Variants in COL5A1 observed in about 807,000 individuals in gnomAD.
COL5A1 encodes collagen type V alpha 1 chain.
Under a neutral mutation model 263.7 loss-of-function variants are expected in COL5A1, and 16 were observed. That is an observed-to-expected ratio of 0.06 (90% confidence interval 0.04 to 0.09). The LOEUF (loss-of-function observed/expected upper bound fraction) is 0.09, where lower values mean the gene tolerates loss of function less well. Among genes scored for constraint, COL5A1 ranks in the 10% least tolerant of loss-of-function variants. The pLI is 1.00. For missense variants in COL5A1, 2,036 were observed against 2,540.5 expected, an observed-to-expected ratio of 0.80 and a Z score of 4.27; for synonymous variants, 1,012 against 1,004.5, an observed-to-expected ratio of 1.01 and a Z score of -0.14.
Position 134,828,272 on chromosome 9 carries a change from C to T in COL5A1, c.5068-1704C>T, listed in dbSNP as rs571018724. 7.9e-5 allele frequency among the ~76,000 whole-genome samples: 12 copies of T among 152,328 alleles called. No individual in the cohort carries two copies. In the South Asian group the frequency reaches 2.3e-3, roughly 29 times the overall value. On this transcript the variant is annotated intron_variant, in intron 63 of 65. Coordinates refer to ENST00000371817, the MANE Select transcript of COL5A1 (RefSeq NM_000093.5). ...GCCCTGCTGGGCCCAGCCTGTGTGTCTGCAGCCTCGGCCTCTGTGGAAAGC... is the reference window on the plus strand; with the variant it reads ...GCCCTGCTGGGCCCAGCCTGTGTGTTTGCAGCCTCGGCCTCTGTGGAAAGC...
intron 5 of COL5A1, 29 bp downstream of exon 5, chr9:134,727,426 G>T: frequency 6.2e-7 from 1 of 1,613,734 alleles, no homozygotes; most frequent in Non-Finnish European, 8.5e-7. Context: ...GGATCTTGGG[G>T]AGCATGAGCA....
Position 134,763,493 on chromosome 9 carries a change from G to C in COL5A1, c.1990-200G>C, listed in dbSNP as rs574567782. 8.5e-5 allele frequency among the ~76,000 whole-genome samples: 13 copies of C among 152,354 alleles called. 1 individual carries two copies. In the South Asian group the frequency reaches 2.5e-3, roughly 29 times the overall value. On this transcript the variant is annotated intron_variant, in intron 19 of 65. Coordinates refer to ENST00000371817, the MANE Select transcript of COL5A1 (RefSeq NM_000093.5). ...TGAGCCGGCATCTCAGAGCCTGCAG[G>C]CTTCACCTGCAGTGTCTGCACACCT...
Position 134,642,252 on chromosome 9 carries a change from CGCTGCT to C in COL5A1, c.79_84del (p.Leu27_Leu28del). The C allele has an allele frequency of 2.0e-5, 25 of 1,269,990 alleles. No homozygotes were observed. The highest frequency in any genetic ancestry group is 1.7e-4 in the South Asian group (7 of 40,292). The allele number at this position is 1,269,990 out of a possible 1,614,324, so 78.7% of individuals were successfully genotyped here. On this transcript the variant is annotated inframe_deletion, in exon 1 of 66. Transcript: ENST00000371817. The surrounding 1 kb of genome is among the most constrained non-coding windows in gnomAD (Gnocchi z 4.5). ...CGCCCGGGCGCCCCGCTGCTGCCCC[CGCTGCT>C]GCTGCTGCTGCTGTGGGCGCCGCCT... is the stretch of plus-strand genomic sequence containing the variant.
intron 19 of COL5A1, 57 bp downstream of exon 19, chr9:134,762,035 G>T: frequency 6.3e-7 from 1 of 1,584,926 alleles, no homozygotes; most frequent in South Asian, 1.1e-5. Flanking sequence ...TCAGTGATTT[G>T]GGCAGGAAAA....
chr9:134,835,914 T>C (rs894553647), intron 65 of COL5A1, among the ~76,000 whole-genome samples: 11 of 152,156 alleles, frequency 7.2e-5, no homozygotes, highest in African/African-American at 2.7e-4. Flanking sequence ...TGGAGGTGTT[T>C]AGGGTGCAGC....
rs917866108 is a variant in COL5A1, at chr9:134,758,759, G to A, written c.1935+463G>A. ...ACCAGGTCACGAAAACATGCCAGGT[G>A]TCCCCCTGTTCCCTGTTAATGGGCG... On this transcript the variant is annotated intron_variant, in intron 18 of 65. Transcript: ENST00000371817. The surrounding 1 kb of genome is among the most constrained non-coding windows in gnomAD (Gnocchi z 4.1). 6.6e-6 allele frequency among the ~76,000 whole-genome samples: 1 copy of A among 152,172 alleles called. No homozygotes were observed. Among genetic ancestry groups the A allele is most frequent in the African/African-American group, 2.4e-5 (1 of 41,424 alleles).
intron 6 of COL5A1, among the ~76,000 whole-genome samples, chr9:134,729,565 TGTGTGAGC>T (rs1175626714): frequency 1.6e-3 from 133 of 84,074 alleles, no homozygotes; most frequent in Non-Finnish European, 2.1e-3. Flanking sequence ...TGAGCCTGTG[TGTGTGAGC>T]GTGTGTGAGC....
Position 134,814,848 on chromosome 9 carries a change from G to A in COL5A1, c.3958G>A (p.Ala1320Thr). Reference protein sequence around the residue: ...EKGESGPSGAAGPPGPKGPPG... With the variant: ...EKGESGPSGATGPPGPKGPPG... ...GGGCGAGTCAGGCCCTTCAGGTGCT[G>A]CCGGACCCCCTGGACCCAAAGGCCC... Residue 1320 changes from alanine to threonine, a missense_variant, in exon 50 of 66, where the codon GCC becomes ACC. By Grantham distance (58) the Ala-to-Thr change is moderately conservative. This residue lies in a region of COL5A1 where 1,078 missense variants were observed against 1,521.4 expected (regional missense o/e 0.71). Transcript: ENST00000371817. 1.3e-6 allele frequency: 2 copies of A among 1,551,744 alleles called. No individual in the cohort carries two copies. The highest frequency in any genetic ancestry group is 1.7e-6 in the Non-Finnish European group (2 of 1,147,212).
intron 1 of COL5A1, among the ~76,000 whole-genome samples, chr9:134,683,882 T>C (rs118029018): frequency 0.068 from 10,298 of 152,308 alleles, 441 homozygotes; most frequent in Non-Finnish European, 0.091. Flanking sequence ...GATGAGGCTC[T>C]GAGGTCAGCA....
intron 4 of COL5A1, among the ~76,000 whole-genome samples, chr9:134,725,393 C>G (rs1834611644): frequency 6.6e-6 from 1 of 152,214 alleles, no homozygotes; most frequent in Non-Finnish European, 1.5e-5. Context: ...TAAACATGAT[C>G]TAATTCGTCA....
rs188478789 is a variant in COL5A1 at position 134,823,084 on chromosome 9, C to T, written c.4644+51C>T. ...CCAATGCCTGGAAGGTAGGGGAGGG[C>T]GACGGGTCCCCTGGCACGGGAACAA... On this transcript the variant is annotated intron_variant, in intron 60 of 65. Transcript: ENST00000371817. 1.8e-4 allele frequency: 285 copies of T among 1,598,198 alleles called. 3 individuals carry two copies. The African/African-American group carries it at 2.7e-3, about 15-fold the overall frequency.
chr9:134,800,706 T>C (rs113299555), intron 37 of COL5A1, among the ~76,000 whole-genome samples: 1,449 of 137,656 alleles, frequency 0.011, 27 homozygotes, highest in African/African-American at 0.037. Flanking sequence ...GATCGTGCCA[T>C]TGCACTCCAG....
At chr9:134,813,413 A>C (rs1838615755) in intron 48 of COL5A1, among the ~76,000 whole-genome samples, 1 of 152,152 alleles carries the variant, frequency 6.6e-6, no homozygotes, top group Non-Finnish European at 1.5e-5. Flanking sequence ...ATTAAATTGG[A>C]AGACGCCTTC....
rs373809326 is a variant in COL5A1, at chr9:134,818,837, C to T, written c.4339-11C>T. 8.1e-6 allele frequency: 13 copies of T among 1,613,240 alleles called. No individual in the cohort carries two copies. Among genetic ancestry groups the T allele is most frequent in the Non-Finnish European group, 1.1e-5 (13 of 1,179,924 alleles). On this transcript the variant is annotated splice_polypyrimidine_tract_variant and intron_variant, in intron 55 of 65. Coordinates refer to ENST00000371817, the MANE Select transcript of COL5A1 (RefSeq NM_000093.5). The surrounding 1 kb of genome is among the most constrained non-coding windows in gnomAD (Gnocchi z 6.0). ...GACCAGCAACTCATGCAGAGCGTCT[C>T]TGTGTTTCAGGGAGAACAAGGTCTC...
intron 48 of COL5A1, 92 bp from the exon 49 acceptor site, chr9:134,813,891 C>G: frequency 7.7e-6 from 11 of 1,422,924 alleles, no homozygotes; most frequent in Non-Finnish European, 1.1e-5. Flanking sequence ...GGCAGGCAGA[C>G]AGCAGGCAGG....
chr9:134,749,425 C>T (rs967593727), intron 11 of COL5A1, among the ~76,000 whole-genome samples: 1 of 152,190 alleles, frequency 6.6e-6, no homozygotes, highest in Non-Finnish European at 1.5e-5. Context: ...AGCCATTTCA[C>T]AAGAAATGGA....
intron 49 of COL5A1, 62 bp downstream of exon 49, chr9:134,814,098 C>A: frequency 6.7e-7 from 1 of 1,503,702 alleles, no homozygotes; most frequent in Non-Finnish European, 9.0e-7. Context: ...GGACGGGGTG[C>A]TGGGTTGGAG....
At position 134,812,511 on chromosome 9, in the gene COL5A1, G is replaced by T. The variant is rs1183837086; in HGVS notation, c.3744+9G>T. ...GAGACGTGGGCCAGATGGTAAGTGT[G>T]CCTGAGACTCCAAGGCCTTGCCGTA... On this transcript the variant is annotated intron_variant, in intron 47 of 65. Coordinates refer to ENST00000371817, the MANE Select transcript of COL5A1 (RefSeq NM_000093.5). 1.2e-6 allele frequency: 2 copies of T among 1,614,036 alleles called. No individual in the cohort carries two copies. Among genetic ancestry groups the T allele is most frequent in the Non-Finnish European group, 1.7e-6 (2 of 1,180,006 alleles).
chr9:134,797,221 C>A (rs1190138457), intron 36 of COL5A1, among the ~76,000 whole-genome samples: 1 of 152,252 alleles, frequency 6.6e-6, no homozygotes, highest in East Asian at 1.9e-4. Flanking sequence ...CTGGGGCCGC[C>A]ATCACAAATG....
Sources: allele counts gnomAD v4.1 joint callset (sites outside exome capture counted in the v4.1 genomes callset), GRCh38; gene constraint gnomAD v4.1.1; regional missense constraint gnomAD v4.1.1; non-coding constraint Gnocchi (gnomAD v3.1); transcripts MANE v1.5; gene names NCBI Gene and HGNC (gene_info 2026-07-23, HGNC 2026-07-21).